KIF21A: variants seen among roughly 807,000 people sequenced by gnomAD.
KIF21A encodes kinesin-like protein KIF21A.
KIF21A carries 114 observed loss-of-function variants against 202.9 expected under a neutral mutation model. The observed-to-expected ratio is 0.56, with a 90% CI of 0.48 to 0.66. The LOEUF is 0.66. Ranked by LOEUF, KIF21A falls within the 30% of genes least tolerant of loss-of-function variation. KIF21A has a pLI of 0.00. For missense variants in KIF21A, 1,677 were observed against 1,994.9 expected, an observed-to-expected ratio of 0.84 and a Z score of 3.04; for synonymous variants, 667 against 670.8, an observed-to-expected ratio of 0.99 and a Z score of 0.09.
chr12:39,376,265 C>T (rs540066949), intron 1 of KIF21A, among the ~76,000 whole-genome samples: 18 of 152,166 alleles, frequency 1.2e-4, no homozygotes, highest in African/African-American at 4.3e-4. Flanking sequence ...TATCTTTACA[C>T]CTCCATTCAT....
In KIF21A at chr12:39,358,209, C is replaced by T. The variant is rs779115969; in HGVS notation, c.1184G>A (p.Arg395Gln). 1.4e-5 allele frequency: 23 copies of T among 1,614,030 alleles called. No individual in the cohort carries two copies. Among genetic ancestry groups the T allele is most frequent in the South Asian group, 2.2e-5 (2 of 91,074 alleles). Reference sequence around the variant, plus strand: ...GTACTCCATGAGCTCCATCTGAAGTCGTGTGATTTCACTACGAAGTGCATT... The same window carrying T: ...GTACTCCATGAGCTCCATCTGAAGTTGTGTGATTTCACTACGAAGTGCATT... ...QINALRSEIT[R>Q]LQMELMEYKT... The change falls in exon 8 of 38, where the codon CGA (arginine) becomes CAA (glutamine). Residue 395 changes from arginine (R) to glutamine (Q), a missense_variant. This residue lies in a region of KIF21A where 966 missense variants were observed against 1,180.9 expected (regional missense o/e 0.82). Transcript: ENST00000361418.
intron 29 of KIF21A, among the ~76,000 whole-genome samples, chr12:39,316,498 C>A (rs958360268): frequency 6.6e-6 from 1 of 152,100 alleles, no homozygotes; most frequent in African/African-American, 2.4e-5. Context: ...ACACTGAGTT[C>A]TTTTGACTAG....
intron 1 of KIF21A, among the ~76,000 whole-genome samples, chr12:39,435,210 C>A (rs1005292074): frequency 2.8e-4 from 42 of 152,300 alleles, no homozygotes; most frequent in African/African-American, 9.6e-4. Flanking sequence ...AGTAGATTGA[C>A]CCTGGGGTTA....
In KIF21A at chr12:39,303,068, T is replaced by C. The variant is rs753536074; in HGVS notation, c.4628A>G (p.Tyr1543Cys). 6.2e-7 allele frequency: 1 copy of C among 1,614,022 alleles called. No individual in the cohort carries two copies. The highest frequency in any genetic ancestry group is 2.2e-5 in the East Asian group (1 of 44,862). Reference protein sequence around the residue: ...SPTHNFEPPHYDGIEALTIQG... With the variant: ...SPTHNFEPPHCDGIEALTIQG... ...AATGGTTAGTGCTTCTATGCCATCA[T>C]AATGAGGGGGTTCAAAATTGTGGGT... Residue 1543 changes from tyrosine to cysteine, a missense_variant, in exon 36 of 38, where the codon TAT (tyrosine) becomes TGT (cysteine). By Grantham distance (194) the Tyr-to-Cys change is radical. Around this residue, in one of 3 missense-constraint regions of KIF21A, gnomAD observed 705 missense variants for 791.9 expected, o/e 0.89. Transcript: ENST00000361418.
intron 9 of KIF21A, 103 bp downstream of exon 9, chr12:39,357,145 A>G: frequency 1.0e-6 from 1 of 995,416 alleles, no homozygotes. Context: ...ATACACAGAG[A>G]CTGGCATTTC....
At chr12:39,341,923 G>T in intron 13 of KIF21A, 111 bp downstream of exon 13, 1 of 768,906 alleles carries the variant, frequency 1.3e-6, no homozygotes, top group South Asian at 1.5e-5. Flanking sequence ...AGATTAAACA[G>T]AATGCATCAT....
chr12:39,433,974 T>C (rs558442480), intron 1 of KIF21A, among the ~76,000 whole-genome samples: 1 of 152,354 alleles, frequency 6.6e-6, no homozygotes, highest in Admixed American at 6.5e-5. Flanking sequence ...TTATAGGTTG[T>C]ACATCAAAGA....
intron 7 of KIF21A, among the ~76,000 whole-genome samples, chr12:39,362,510 C>G (rs1949312307): frequency 6.6e-6 from 1 of 151,350 alleles, no homozygotes; most frequent in South Asian, 2.1e-4. Context: ...AAAAAAAAAG[C>G]TGAAAAAACA....
At chr12:39,372,446 C>T (rs1190163004) in intron 1 of KIF21A, among the ~76,000 whole-genome samples, 4 of 152,160 alleles carry the variant, frequency 2.6e-5, no homozygotes, top group African/African-American at 9.6e-5. Flanking sequence ...AGTTTTACTA[C>T]TTGTCACTCC....
At chr12:39,322,571 A>G (rs1413903662) in intron 27 of KIF21A, 97 bp downstream of exon 27, 1 of 888,452 alleles carries the variant, frequency 1.1e-6, no homozygotes, top group Non-Finnish European at 1.7e-6. Context: ...TCAAATTTAT[A>G]TAAATTTTAA....
At position 39,294,425 on chromosome 12, in the gene KIF21A, T is replaced by A. The variant is rs780239746; in HGVS notation, c.5024A>T (p.Ter1675LeuextTer2). ...GDLGEDIASN[*>L] ...TTTACAACCTATCTTCATTCATGTT[T>A]AATTACTGGCAATATCTTCCCCCAG... Residue 1675 changes from the stop codon to leucine, a stop_lost, in exon 38 of 38, where the codon TAA (stop) becomes TTA (leucine). Coordinates refer to ENST00000361418, the MANE Select transcript of KIF21A (RefSeq NM_001173464.2). 33 of 1,605,578 alleles carry A rather than the reference T, an allele frequency of 2.1e-5. No homozygotes were observed. The Admixed American group carries it at 5.5e-4, about 27-fold the overall frequency.
chr12:39,332,903 T>C lies in KIF21A; in HGVS notation c.2692A>G (p.Asn898Asp), dbSNP rs1223175612. The C allele has an allele frequency of 1.2e-6, 2 of 1,613,648 alleles. No individual in the cohort carries two copies. The highest frequency in any genetic ancestry group is 4.5e-5 in the East Asian group (2 of 44,890). Residue 898 changes from asparagine to aspartate, a missense_variant, in exon 19 of 38, where the codon AAT becomes GAT. By Grantham distance (23) the Asn-to-Asp change is conservative. Around this residue, in one of 3 missense-constraint regions of KIF21A, gnomAD observed 966 missense variants for 1,180.9 expected, o/e 0.82. Coordinates refer to ENST00000361418, the MANE Select transcript of KIF21A (RefSeq NM_001173464.2). ...CAGAATTATGTAGACCTGTTTCCAT[T>C]TGTTGCCGGCGTTGGTAAGGCCTGG... ...RVQALPTPAT[N>D]GNRKKYQRKG...
intron 22 of KIF21A, 132 bp from the exon 23 acceptor site, chr12:39,331,043 C>A: frequency 1.2e-6 from 1 of 843,304 alleles, no homozygotes; most frequent in Non-Finnish European, 2.0e-6. Flanking sequence ...CCCAGCTCCT[C>A]CAGTAACTGG....
intron 17 of KIF21A, among the ~76,000 whole-genome samples, chr12:39,334,115 C>T (rs1401640301): frequency 2.7e-5 from 4 of 147,800 alleles, no homozygotes; most frequent in Admixed American, 1.4e-4. Context: ...GTGGGAGAAT[C>T]GCTTGAACCC....
chr12:39,399,135 C>T lies in KIF21A; in HGVS notation c.45-28874G>A, dbSNP rs200251293. 1.9e-4 allele frequency among the ~76,000 whole-genome samples: 29 copies of T among 152,264 alleles called. No homozygotes were observed. In the East Asian group the frequency reaches 5.6e-3, roughly 29 times the overall value. ...TCTGGAGGCTGAGGCTGCAGCATCA[C>T]TTGAATCAAGGATGTCGAGGCTACA... On this transcript the variant is annotated intron_variant, in intron 1 of 37. Transcript: ENST00000361418.
intron 1 of KIF21A, among the ~76,000 whole-genome samples, chr12:39,436,837 A>T (rs74449848): frequency 0.045 from 6,877 of 152,194 alleles, 215 homozygotes; most frequent in African/African-American, 0.09. Context: ...ACCAAGTTGA[A>T]TCCACAAATC....
At chr12:39,304,107 C>T (rs1382238414) in intron 35 of KIF21A, among the ~76,000 whole-genome samples, 2 of 152,180 alleles carry the variant, frequency 1.3e-5, no homozygotes, top group Non-Finnish European at 2.9e-5. Flanking sequence ...ACGTTCATGT[C>T]TCTAGGGTAT....
chr12:39,377,898 T>C (rs1274442292), intron 1 of KIF21A, among the ~76,000 whole-genome samples: 1 of 152,208 alleles, frequency 6.6e-6, no homozygotes, highest in Admixed American at 6.5e-5. Context: ...CTTATCCTAA[T>C]CTATATAATT....
At chr12:39,310,919 GA>G (rs1943965849) in intron 32 of KIF21A, among the ~76,000 whole-genome samples, 1 of 151,984 alleles carries the variant, frequency 6.6e-6, no homozygotes, top group South Asian at 2.1e-4. Flanking sequence ...ATTTACCTGA[GA>G]AAAGTATTTA....
Sources: gnomAD v4.1 joint callset for allele counts (sites outside exome capture counted in the v4.1 genomes callset) on GRCh38, gnomAD v4.1.1 for gene constraint, gnomAD v4.1.1 regional missense constraint, MANE v1.5 for transcripts, NCBI Gene and HGNC (gene_info 2026-07-23, HGNC 2026-07-21) for gene names.